The following FHIT variants were observed in gnomAD, a reference collection of about 807,000 sequenced individuals.
FHIT encodes bis(5'-adenosyl)-triphosphatase.
In FHIT, 19 loss-of-function variants were observed where a neutral mutation model predicts 17.9. The ratio of observed to expected loss-of-function variants is 1.06; its 90% CI spans 0.74 to 1.56. FHIT has a LOEUF of 1.56. Ranked by LOEUF, FHIT falls within the 40% of genes most tolerant of loss-of-function variation. The pLI, the probability that FHIT is intolerant of heterozygous loss-of-function variation, is 0.00. For missense variants in FHIT, 248 were observed against 189.2 expected, an observed-to-expected ratio of 1.31 and a Z score of -1.82; for synonymous variants, 81 against 69.7, an observed-to-expected ratio of 1.16 and a Z score of -0.81.
intron 5 of FHIT, among the ~76,000 whole-genome samples, chr3:60,249,864 G>A (rs931906855): frequency 5.3e-5 from 8 of 152,102 alleles, no homozygotes; most frequent in African/African-American, 7.2e-5. Context: ...GGCCTCACAC[G>A]CATGCCAGGT....
chr3:60,428,500 C>G (rs1343301044), intron 5 of FHIT, among the ~76,000 whole-genome samples: 3 of 152,112 alleles, frequency 2.0e-5, no homozygotes, highest in Non-Finnish European at 4.4e-5. Context: ...AGTCTGCATC[C>G]AGATTGTTAA....
At chr3:61,201,656 G>C (rs2039016773) in intron 1 of FHIT, among the ~76,000 whole-genome samples, 1 of 152,094 alleles carries the variant, frequency 6.6e-6, no homozygotes, top group Admixed American at 6.6e-5. Context: ...CAAAGAACAG[G>C]TCAGACTTAC....
chr3:60,081,577 T>C (rs1201936762), intron 5 of FHIT, among the ~76,000 whole-genome samples: 2 of 152,154 alleles, frequency 1.3e-5, no homozygotes, highest in Non-Finnish European at 2.9e-5. Flanking sequence ...TCCTACCCAA[T>C]TATTAACTAT....
chr3:59,829,457 A>T (rs938465807), intron 8 of FHIT, among the ~76,000 whole-genome samples: 7 of 152,188 alleles, frequency 4.6e-5, no homozygotes, highest in Non-Finnish European at 1.0e-4. Context: ...GGGAGAAAAC[A>T]TGTAAATCTC....
At chr3:60,835,892 G>T (rs1355895143) in intron 3 of FHIT, among the ~76,000 whole-genome samples, 4 of 152,208 alleles carry the variant, frequency 2.6e-5, no homozygotes, top group Non-Finnish European at 4.4e-5. Flanking sequence ...TGGGATGACA[G>T]TCATCAGTCA....
chr3:60,748,720 G>A (rs558722724), intron 4 of FHIT, among the ~76,000 whole-genome samples: 200 of 152,254 alleles, frequency 1.3e-3, no homozygotes, highest in Middle Eastern at 6.8e-3. Context: ...GCTGAGGCAG[G>A]AGAAATGCTT....
intron 5 of FHIT, among the ~76,000 whole-genome samples, chr3:60,138,019 G>A (rs970624437): frequency 3.3e-5 from 5 of 152,148 alleles, no homozygotes; most frequent in African/African-American, 1.2e-4. Flanking sequence ...TGTCTAGTTT[G>A]ATGTTCTTAA....
intron 5 of FHIT, among the ~76,000 whole-genome samples, chr3:60,338,033 G>A (rs1219141640): frequency 1.3e-5 from 2 of 152,172 alleles, no homozygotes; most frequent in South Asian, 2.1e-4. Flanking sequence ...GTTTCTTTTC[G>A]AATTTTTTTT....
chr3:59,807,305 T>C (rs959342844), intron 8 of FHIT, among the ~76,000 whole-genome samples: 3 of 152,126 alleles, frequency 2.0e-5, no homozygotes, highest in Non-Finnish European at 2.9e-5. Flanking sequence ...AGCTTAACCC[T>C]AGTGAGGAAG....
In FHIT at chr3:60,100,242, G is replaced by C. The variant is rs145041492; in HGVS notation, c.104-86090C>G. On this transcript the variant is annotated intron_variant, in intron 5 of 9. Coordinates refer to ENST00000492590, the MANE Select transcript of FHIT (RefSeq NM_002012.4). ...TCTACTAAAAATAAAAAATTAGCCA[G>C]GCATGGTGGTGGACGCCTGTAGTCC... is the stretch of plus-strand genomic sequence containing the variant. Among the ~76,000 whole-genome samples, 453 of 152,202 alleles carry C rather than the reference G, an allele frequency of 3.0e-3. 2 individuals carry two copies. The highest frequency in any genetic ancestry group is 0.01 in the African/African-American group (422 of 41,524).
intron 2 of FHIT, among the ~76,000 whole-genome samples, chr3:61,056,440 G>A (rs905304829): frequency 6.6e-6 from 1 of 152,144 alleles, no homozygotes; most frequent in Non-Finnish European, 1.5e-5. Flanking sequence ...TCTAATTGTG[G>A]AGACAGGTGA....
At chr3:60,263,405 G>T (rs1310385096) in intron 5 of FHIT, among the ~76,000 whole-genome samples, 1 of 152,008 alleles carries the variant, frequency 6.6e-6, no homozygotes, top group Admixed American at 6.6e-5. Context: ...AAAAATTATA[G>T]CTTTCTTCAT....
intron 8 of FHIT, among the ~76,000 whole-genome samples, chr3:59,769,686 T>C (rs1297578027): frequency 6.6e-6 from 1 of 152,168 alleles, no homozygotes; most frequent in Non-Finnish European, 1.5e-5. Context: ...GCTGCCAGCT[T>C]ATTTGATTCC....
At chr3:60,060,572 T>C (rs1013292897) in intron 5 of FHIT, among the ~76,000 whole-genome samples, 2 of 152,214 alleles carry the variant, frequency 1.3e-5, no homozygotes, top group African/African-American at 2.4e-5. Flanking sequence ...CTCCTAAAAG[T>C]ATACTACCTA....
At chr3:60,769,537 C>T (rs938734847) in intron 4 of FHIT, among the ~76,000 whole-genome samples, 10 of 152,304 alleles carry the variant, frequency 6.6e-5, no homozygotes, top group Middle Eastern at 3.4e-3. Flanking sequence ...GAATGATTCA[C>T]GAATCGGGCA....
At chr3:61,056,580 T>C (rs2034230404) in intron 2 of FHIT, among the ~76,000 whole-genome samples, 1 of 152,112 alleles carries the variant, frequency 6.6e-6, no homozygotes, top group Non-Finnish European at 1.5e-5. Flanking sequence ...TCAATGACAC[T>C]GAACAATGAC....
At chr3:61,036,677 G>C (rs1292825337) in intron 3 of FHIT, among the ~76,000 whole-genome samples, 1 of 152,140 alleles carries the variant, frequency 6.6e-6, no homozygotes, top group African/African-American at 2.4e-5. Flanking sequence ...AAGCTACAAA[G>C]CATTATGTTG....
intron 8 of FHIT, among the ~76,000 whole-genome samples, chr3:59,869,096 A>G (rs767179474): frequency 1.8e-4 from 27 of 152,200 alleles, no homozygotes; most frequent in Admixed American, 5.2e-4. Context: ...CACTATTATC[A>G]GAAAGAGTTG....
At chr3:61,097,325 A>G (rs1559978961) in intron 2 of FHIT, among the ~76,000 whole-genome samples, 1 of 152,142 alleles carries the variant, frequency 6.6e-6, no homozygotes, top group Non-Finnish European at 1.5e-5. Flanking sequence ...CATGTACCAC[A>G]TGTTCTTTAT....
Sources: allele counts gnomAD v4.1 joint callset (sites outside exome capture counted in the v4.1 genomes callset), GRCh38; gene constraint gnomAD v4.1.1; transcripts MANE v1.5; gene names NCBI Gene and HGNC (gene_info 2026-07-23, HGNC 2026-07-21).